MITF: variants seen among roughly 807,000 people sequenced by gnomAD.
MITF encodes the protein melanocyte inducing transcription factor.
Under a neutral mutation model 60.5 loss-of-function variants are expected in MITF, and 17 were observed. The ratio of observed to expected loss-of-function variants is 0.28; its 90% CI spans 0.19 to 0.42. MITF has a LOEUF of 0.42. Ranked by LOEUF, MITF falls within the 10% of genes least tolerant of loss-of-function variation. The pLI, the probability that MITF is intolerant of heterozygous loss-of-function variation, is 1.00. For synonymous variants in MITF, 260 were observed against 248.5 expected (o/e 1.05, Z -0.43); for missense variants, 622 against 683.5 (o/e 0.91, Z 1.00).
chr3:69,833,558 C>T (rs534372069), intron 1 of MITF, among the ~76,000 whole-genome samples: 169 of 151,664 alleles, frequency 1.1e-3, no homozygotes, highest in African/African-American at 3.8e-3. Flanking sequence ...TTTCTATGTA[C>T]ACTGTATGTG....
Position 69,739,697 on chromosome 3 carries a change from A to G in MITF, c.100A>G (p.Ser34Gly), listed in dbSNP as rs1250233598. ...CGAACTCAAAAGTCAACCGCTGAAG[A>G]GCAGGTGAGTGGTGACAGCTGGGCA... ...YYELKSQPLK[S>G]SSSAEHPGAS... Residue 34 changes from serine (S) to glycine (G), a missense_variant, in exon 1 of 10, where the codon AGC (serine) becomes GGC (glycine). Transcript: ENST00000352241. 6.4e-7 allele frequency: 1 copy of G among 1,566,980 alleles called. No homozygotes were observed. Among genetic ancestry groups the G allele is most frequent in the Non-Finnish European group, 8.7e-7 (1 of 1,153,872 alleles).
intron 2 of MITF, among the ~76,000 whole-genome samples, chr3:69,921,736 G>A (rs2065472242): frequency 6.6e-6 from 1 of 152,196 alleles, no homozygotes; most frequent in Non-Finnish European, 1.5e-5. Flanking sequence ...TGCCATTCCT[G>A]GGGCTTGACT....
chr3:69,777,660 G>C (rs1240287370), intron 1 of MITF, among the ~76,000 whole-genome samples: 1 of 152,142 alleles, frequency 6.6e-6, no homozygotes, highest in Non-Finnish European at 1.5e-5. Context: ...AAATATGGAA[G>C]TGCTGATGAA....
intron 1 of MITF, among the ~76,000 whole-genome samples, chr3:69,874,978 C>T (rs1307901695): frequency 6.6e-6 from 1 of 152,180 alleles, no homozygotes; most frequent in African/African-American, 2.4e-5. Context: ...GAGGTAGGAA[C>T]TCAGGTCACA....
chr3:69,938,026 C>T lies in MITF; in HGVS notation c.559C>T (p.Leu187Phe). Residue 187 changes from leucine to phenylalanine, a missense_variant, in exon 3 of 10, where the codon CTT becomes TTT. Around this residue, in one of 5 missense-constraint regions of MITF, gnomAD observed 215 missense variants for 224.8 expected, o/e 0.96. Coordinates refer to ENST00000352241, the MANE Select transcript of MITF (RefSeq NM_001354604.2). The part of the protein sequence containing the change: ...APNSPMAMLT[L>F]NSNCEKEGFY... The stretch of plus-strand genomic sequence containing the variant: ...CAACAGCCCCATGGCTATGCTTACG[C>T]TTAACTCCAACTGTGAAAAAGAGGT... The T allele has an allele frequency of 6.2e-7, 1 of 1,614,188 alleles. No individual in the cohort carries two copies. The highest frequency in any genetic ancestry group is 8.5e-7 in the Non-Finnish European group (1 of 1,179,994).
At chr3:69,748,114 T>C (rs1703799012) in intron 1 of MITF, among the ~76,000 whole-genome samples, 1 of 152,220 alleles carries the variant, frequency 6.6e-6, no homozygotes, top group Non-Finnish European at 1.5e-5. Context: ...ACCTCCAGTG[T>C]TCACCAACTT....
chr3:69,931,979 C>G (rs1575991396), intron 2 of MITF, among the ~76,000 whole-genome samples: 2 of 152,190 alleles, frequency 1.3e-5, no homozygotes, highest in East Asian at 1.9e-4. Context: ...TAAGCATATC[C>G]TGTATTCTTA....
rs1575842053 is a variant in MITF, at chr3:69,866,229, C to G, written c.105-12905C>G. ...CCACCCCTAGTGACACAGCCAGTGC[C>G]AGAACTAACTTTGACTTTCACTCTT... On this transcript the variant is annotated intron_variant, in intron 1 of 9. Coordinates refer to ENST00000352241, the MANE Select transcript of MITF (RefSeq NM_001354604.2). 13 of 1,607,284 alleles carry G rather than the reference C, an allele frequency of 8.1e-6. No homozygotes were observed. In the East Asian group the frequency reaches 2.7e-4, roughly 33 times the overall value.
intron 1 of MITF, among the ~76,000 whole-genome samples, chr3:69,781,326 C>T (rs2062560474): frequency 6.6e-6 from 1 of 152,110 alleles, no homozygotes; most frequent in Admixed American, 6.5e-5. Flanking sequence ...AAGTCTGTTA[C>T]ATAAGACTTC....
At position 69,917,376 on chromosome 3, in the gene MITF, C is replaced by CTTTT. The variant is rs3044646; in HGVS notation, c.355-20428_355-20425dup. Among the ~76,000 whole-genome samples, 207 of 113,278 alleles carry CTTTT rather than the reference C, an allele frequency of 1.8e-3. 1 individual carries two copies. The highest frequency in any genetic ancestry group is 6.4e-3 in the African/African-American group (187 of 29,366). The allele number at this position is 113,278 out of a possible 152,430, so 74.3% of individuals were successfully genotyped here. A position where few individuals can be genotyped will look rare whatever the true frequency, so the allele number is the denominator to read the frequency against. ...ATATTTGACTTGATACAGTTGCCTC[C>CTTTT]TTTTTTTTTTTTTTTTTTTTTGACA... On this transcript the variant is annotated intron_variant, in intron 2 of 9. Transcript: ENST00000352241.
At chr3:69,757,996 C>CAT (rs2062152883) in intron 1 of MITF, among the ~76,000 whole-genome samples, 1 of 96,448 alleles carries the variant, frequency 1.0e-5, no homozygotes, top group African/African-American at 4.4e-5. Flanking sequence ...TACCCTAGGG[C>CAT]ATGTGTGTGT....
chr3:69,892,852 A>G (rs1575899439), intron 2 of MITF, among the ~76,000 whole-genome samples: 1 of 152,176 alleles, frequency 6.6e-6, no homozygotes, highest in Admixed American at 6.5e-5. Context: ...ACACTGGGGC[A>G]TTGACATCAA....
At chr3:69,926,136 C>T (rs1159642002) in intron 2 of MITF, among the ~76,000 whole-genome samples, 2 of 152,138 alleles carry the variant, frequency 1.3e-5, no homozygotes, top group African/African-American at 2.4e-5. Flanking sequence ...ATGCCCCAGT[C>T]GGAAAGCACT....
At chr3:69,901,550 T>G (rs1021477891) in intron 2 of MITF, among the ~76,000 whole-genome samples, 1 of 152,028 alleles carries the variant, frequency 6.6e-6, no homozygotes, top group African/African-American at 2.4e-5. Flanking sequence ...GCACTTAGAG[T>G]GACTAGAGTC....
At chr3:69,759,401 C>G (rs980306450) in intron 1 of MITF, among the ~76,000 whole-genome samples, 1 of 152,204 alleles carries the variant, frequency 6.6e-6, no homozygotes, top group Non-Finnish European at 1.5e-5. Context: ...GAAAAGGACA[C>G]TTTTTTACAA....
At chr3:69,829,041 C>T (rs938125242) in intron 1 of MITF, among the ~76,000 whole-genome samples, 1 of 151,918 alleles carries the variant, frequency 6.6e-6, no homozygotes, top group Non-Finnish European at 1.5e-5. Context: ...TGGTGCTGTC[C>T]TACAATATGC....
intron 1 of MITF, among the ~76,000 whole-genome samples, chr3:69,837,962 G>A (rs1423163201): frequency 1.3e-5 from 2 of 152,168 alleles, no homozygotes; most frequent in African/African-American, 4.8e-5. Flanking sequence ...TGCATAATAT[G>A]TACATAGAAC....
chr3:69,857,278 C>T (rs2063934960), intron 1 of MITF, among the ~76,000 whole-genome samples: 1 of 152,044 alleles, frequency 6.6e-6, no homozygotes, highest in Non-Finnish European at 1.5e-5. Flanking sequence ...AGTGTGGGCT[C>T]TGGAGTTTCA....
At chr3:69,808,345 G>A (rs569774776) in intron 1 of MITF, among the ~76,000 whole-genome samples, 2 of 152,088 alleles carry the variant, frequency 1.3e-5, no homozygotes, top group East Asian at 3.9e-4. Context: ...TAGGGCAGCA[G>A]GTATAAACTG....
Sources: allele counts gnomAD v4.1 joint callset (sites outside exome capture counted in the v4.1 genomes callset), GRCh38; gene constraint gnomAD v4.1.1; regional missense constraint gnomAD v4.1.1; transcripts MANE v1.5; gene names NCBI Gene and HGNC (gene_info 2026-07-23, HGNC 2026-07-21).